Variants in SATB2 observed in about 807,000 individuals in gnomAD.
SATB2 encodes DNA-binding protein SATB2.
A neutral mutation model predicts 73.4 loss-of-function variants in SATB2; 1 was observed. The observed-to-expected ratio is 0.01, with a 90% CI of 0.00 to 0.06. The LOEUF is 0.06. Ranked by LOEUF, SATB2 falls within the 10% of genes least tolerant of loss-of-function variation. The probability of loss-of-function intolerance (pLI) is 1.00; values close to 1 mark genes in which losing one functional copy is unlikely to be tolerated. For missense variants in SATB2, 459 were observed against 945.8 expected (o/e 0.49, Z 6.75); for synonymous variants, 397 against 367.0 (o/e 1.08, Z -0.93).
rs1691557583 is a variant in SATB2 at position 199,433,320 on chromosome 2, G to A, written c.346+18C>T. 1 of 1,610,858 alleles carries A rather than the reference G, an allele frequency of 6.2e-7. No individual in the cohort carries two copies. ...GACACACAAGAGACTTGGGAGGAGA[G>A]GGGAGAGGCATTAATACCTTGGGCC... On this transcript the variant is annotated intron_variant, in intron 3 of 10. Coordinates refer to ENST00000417098, the MANE Select transcript of SATB2 (RefSeq NM_001172509.2).
intron 8 of SATB2, among the ~76,000 whole-genome samples, chr2:199,328,279 G>A (rs1327272379): frequency 6.6e-6 from 1 of 152,128 alleles, no homozygotes; most frequent in Non-Finnish European, 1.5e-5. Context: ...GGTGGCTCAC[G>A]CCTGTAATCC....
chr2:199,292,376 G>T (rs1310202418), intron 10 of SATB2, among the ~76,000 whole-genome samples: 1 of 152,192 alleles, frequency 6.6e-6, no homozygotes, highest in African/African-American at 2.4e-5. Flanking sequence ...ATACTAGACT[G>T]CTATGCTTAC....
At chr2:199,323,696 G>T in intron 9 of SATB2, 107 bp downstream of exon 9, 1 of 1,207,556 alleles carries the variant, frequency 8.3e-7, no homozygotes, top group Non-Finnish European at 1.2e-6. Flanking sequence ...GTTTCTTGGG[G>T]GTTATTACTG....
intron 3 of SATB2, among the ~76,000 whole-genome samples, chr2:199,387,946 G>T (rs1368437590): frequency 2.0e-5 from 3 of 152,148 alleles, no homozygotes; most frequent in Non-Finnish European, 2.9e-5. Context: ...AATATCAATA[G>T]TTGTTTGTGT....
At chr2:199,369,160 T>C (rs1305574757) in intron 5 of SATB2, among the ~76,000 whole-genome samples, 1 of 152,214 alleles carries the variant, frequency 6.6e-6, no homozygotes, top group Non-Finnish European at 1.5e-5. Context: ...ATAAGTTAAA[T>C]TAATATAATT....
chr2:199,380,253 G>A, intron 5 of SATB2, 111 bp downstream of exon 5: 2 of 1,346,510 alleles, frequency 1.5e-6, no homozygotes, highest in South Asian at 1.2e-5. Flanking sequence ...TGCAGTTTAA[G>A]TCTATAAATA....
At chr2:199,422,907 T>C (rs1185279672) in intron 3 of SATB2, among the ~76,000 whole-genome samples, 1 of 152,214 alleles carries the variant, frequency 6.6e-6, no homozygotes, top group Non-Finnish European at 1.5e-5. Flanking sequence ...AACCATGACT[T>C]AATATAAGCT....
At chr2:199,336,808 T>A (rs151305768) in intron 7 of SATB2, among the ~76,000 whole-genome samples, 176 of 152,276 alleles carry the variant, frequency 1.2e-3, no homozygotes, top group African/African-American at 4.0e-3. Context: ...GAGAATAAAG[T>A]AGTTATGAGT....
intron 7 of SATB2, among the ~76,000 whole-genome samples, chr2:199,342,186 G>A (rs1688525902): frequency 6.6e-6 from 1 of 152,094 alleles, no homozygotes; most frequent in Non-Finnish European, 1.5e-5. Flanking sequence ...AGGCGGGGGA[G>A]CATCAAAAAC....
At chr2:199,428,704 T>C (rs1691407317) in intron 3 of SATB2, among the ~76,000 whole-genome samples, 1 of 152,204 alleles carries the variant, frequency 6.6e-6, no homozygotes, top group Non-Finnish European at 1.5e-5. Flanking sequence ...CAACATATAG[T>C]AATTGCTCAG....
chr2:199,441,112 G>A (rs1044484512), intron 2 of SATB2, among the ~76,000 whole-genome samples: 8 of 152,052 alleles, frequency 5.3e-5, no homozygotes, highest in African/African-American at 7.2e-5. Context: ...CTCCCAAAGC[G>A]CTGGGATTAT....
At chr2:199,397,643 C>A in intron 3 of SATB2, 1 of 240,358 alleles carries the variant, frequency 4.2e-6, no homozygotes, top group Non-Finnish European at 8.6e-6. Flanking sequence ...AATCCCAGTA[C>A]TTTGGGAGGC....
At chr2:199,384,137 A>G (rs1689859885) in intron 3 of SATB2, among the ~76,000 whole-genome samples, 1 of 152,188 alleles carries the variant, frequency 6.6e-6, no homozygotes, top group South Asian at 2.1e-4. Context: ...GTAAATTCTT[A>G]CCCCACCTTG....
chr2:199,449,279 T>C (rs959417684), intron 2 of SATB2, among the ~76,000 whole-genome samples: 3 of 152,196 alleles, frequency 2.0e-5, no homozygotes, highest in African/African-American at 7.2e-5. Flanking sequence ...AACTTTTTAA[T>C]TGAGCAGCAA....
At chr2:199,466,178 C>A (rs1167734793), upstream of SATB2, among the ~76,000 whole-genome samples, 6 of 152,192 alleles carry the variant, frequency 3.9e-5, no homozygotes, top group Admixed American at 1.3e-4. Context: ...AAGTGAAGGA[C>A]GTCTCGCGCA....
At position 199,381,559 on chromosome 2, in the gene SATB2, T is replaced by C. The variant is rs569562246; in HGVS notation, c.473+135A>G. On this transcript the variant is annotated intron_variant, in intron 4 of 10. Transcript: ENST00000417098. ...CCACCCTTCTCCTTCTCTCCTTCTT[T>C]CCCTCTCTCTCCTTCTTTTCATTTT... The C allele has an allele frequency of 3.0e-5, 38 of 1,257,322 alleles. No homozygotes were observed. In the South Asian group the frequency reaches 4.5e-4, roughly 15 times the overall value. The allele number at this position is 1,257,322 out of a possible 1,614,324, so 77.9% of individuals were successfully genotyped here.
At chr2:199,458,573 C>T (rs1052327357), upstream of SATB2, 2 of 419,708 alleles carry the variant, frequency 4.8e-6, no homozygotes, top group South Asian at 1.7e-5. Context: ...CCTCGCCCAG[C>T]CCCTAGGCGC....
chr2:199,459,661 A>C (rs956850625), upstream of SATB2: 1 of 152,658 alleles, frequency 6.6e-6, no homozygotes, highest in Non-Finnish European at 1.5e-5. This position sits in a 1 kb window ranked among gnomAD's most constrained non-coding sequence, Gnocchi z 4.2. Context: ...GGGCTCTCCC[A>C]CATCTCCCGC....
upstream of SATB2, among the ~76,000 whole-genome samples, chr2:199,466,169 A>C (rs369964427): frequency 1.3e-5 from 2 of 152,130 alleles, no homozygotes; most frequent in Non-Finnish European, 2.9e-5. Context: ...GCACATTCCA[A>C]GTGAAGGACG....
Sources: allele counts gnomAD v4.1 joint callset (sites outside exome capture counted in the v4.1 genomes callset), GRCh38; gene constraint gnomAD v4.1.1; non-coding constraint Gnocchi (gnomAD v3.1); transcripts MANE v1.5; gene names NCBI Gene and HGNC (gene_info 2026-07-23, HGNC 2026-07-21).